Variants in NEDD9 observed in about 807,000 individuals in gnomAD.
NEDD9 encodes enhancer of filamentation 1.
Under a neutral mutation model 76.6 loss-of-function variants are expected in NEDD9, and 26 were observed. The observed-to-expected ratio is 0.34, with a 90% confidence interval of 0.25 to 0.47. The LOEUF (loss-of-function observed/expected upper bound fraction) is 0.47, where lower values mean the gene tolerates loss of function less well. Ranked by LOEUF, NEDD9 falls within the 20% of genes least tolerant of loss-of-function variation. The pLI is 1.00. For synonymous variants in NEDD9, 392 were observed against 414.2 expected, an observed-to-expected ratio of 0.95 and a Z score of 0.65; for missense variants, 937 against 1,058.5, an observed-to-expected ratio of 0.89 and a Z score of 1.59.
chr6:11,285,362 G>C (rs1176756524), intron 3 of NEDD9, among the ~76,000 whole-genome samples: 2 of 152,118 alleles, frequency 1.3e-5, no homozygotes, highest in African/African-American at 4.8e-5. Flanking sequence ...TAAATGGAGA[G>C]ATATAATGTG....
intron 2 of NEDD9, among the ~76,000 whole-genome samples, chr6:11,205,204 T>C (rs1444255746): frequency 6.6e-6 from 1 of 152,162 alleles, no homozygotes; most frequent in Non-Finnish European, 1.5e-5. Context: ...TTCTCAGACC[T>C]CAGTTCCCTC....
At chr6:11,344,770 T>TATC (rs1380159232) in intron 1 of NEDD9, among the ~76,000 whole-genome samples, 1 of 152,210 alleles carries the variant, frequency 6.6e-6, no homozygotes, top group Non-Finnish European at 1.5e-5. Flanking sequence ...ACAGTTACCT[T>TATC]ATCTCCTCAT....
rs769631781 is a variant in NEDD9 at position 11,198,978 on chromosome 6, A to G, written c.460-5286T>C. The G allele has an allele frequency of 6.6e-6, 1 of 152,234 alleles. No individual in the cohort carries two copies. Among genetic ancestry groups the G allele is most frequent in the Non-Finnish European group, 1.5e-5 (1 of 68,060 alleles). The allele number at this position is 152,234 out of a possible 1,614,324, so 9.4% of individuals were successfully genotyped here. ...AGAAACTGTAGAAGAATGCACCCCA[A>G]GTTGGGTGAAGCCACTATTGGCAGG... is the stretch of plus-strand genomic sequence containing the variant. On this transcript the variant is annotated intron_variant, in intron 2 of 6. Transcript: ENST00000379446. The surrounding 1 kb of genome is among the most constrained non-coding windows in gnomAD (Gnocchi z 4.7).
chr6:11,335,568 A>G (rs1215279965), intron 1 of NEDD9, among the ~76,000 whole-genome samples: 1 of 152,190 alleles, frequency 6.6e-6, no homozygotes, highest in Non-Finnish European at 1.5e-5. Context: ...CTCACCCACC[A>G]TATTCACCTG....
intron 1 of NEDD9, among the ~76,000 whole-genome samples, chr6:11,224,118 T>G (rs1422472568): frequency 6.6e-6 from 1 of 152,164 alleles, no homozygotes; most frequent in African/African-American, 2.4e-5. Context: ...CAACAAAGGA[T>G]GGGAATGTAA....
intron 1 of NEDD9, among the ~76,000 whole-genome samples, chr6:11,339,212 A>G (rs931146941): frequency 3.3e-5 from 5 of 152,196 alleles, no homozygotes; most frequent in Non-Finnish European, 5.9e-5. Context: ...TATTGCATTT[A>G]TCACTTTATT....
intron 2 of NEDD9, among the ~76,000 whole-genome samples, chr6:11,210,279 C>T (rs1476209472): frequency 6.6e-6 from 1 of 152,134 alleles, no homozygotes; most frequent in Non-Finnish European, 1.5e-5. Context: ...AACTCACTGC[C>T]CTACCTCTCT....
At chr6:11,277,059 C>CA (rs142031998) in intron 3 of NEDD9, among the ~76,000 whole-genome samples, 10,848 of 152,154 alleles carry the variant, frequency 0.071, 404 homozygotes, top group Middle Eastern at 0.14. Context: ...CTCTGATGCC[C>CA]GGGGGGTGCA....
intron 2 of NEDD9, among the ~76,000 whole-genome samples, chr6:11,314,508 G>A (rs1456363103): frequency 6.6e-6 from 1 of 152,164 alleles, no homozygotes; most frequent in Non-Finnish European, 1.5e-5. Flanking sequence ...TCTCTCTATA[G>A]ATTGAAATAA....
rs1762697188 is a variant in NEDD9 at position 11,362,603 on chromosome 6, A to T, written c.-214+19536T>A. Among the ~76,000 whole-genome samples, 3 of 152,182 alleles carry T rather than the reference A, an allele frequency of 2.0e-5. No homozygotes were observed. In the South Asian group the frequency reaches 6.2e-4, roughly 32 times the overall value. On this transcript the variant is annotated intron_variant, in intron 1 of 3. Coordinates refer to the NEDD9 transcript ENST00000397378. ...TGCAGTCACACTATTCTTTCACTAT[A>T]ACTCTTGCTTGCTTTTCTCACCAAA...
intron 2 of NEDD9, among the ~76,000 whole-genome samples, chr6:11,194,357 C>T (rs990776139): frequency 8.5e-5 from 13 of 152,138 alleles, no homozygotes; most frequent in African/African-American, 3.1e-4. Context: ...ATCTAAAGTA[C>T]CGCATACTGA....
intron 2 of NEDD9, among the ~76,000 whole-genome samples, chr6:11,194,020 C>T (rs1456815163): frequency 6.6e-6 from 1 of 152,008 alleles, no homozygotes; most frequent in African/African-American, 2.4e-5. Flanking sequence ...CCACCATGCC[C>T]AGCTAATTTT....
intron 1 of NEDD9, among the ~76,000 whole-genome samples, chr6:11,381,769 C>T (rs757281886): frequency 2.6e-5 from 4 of 152,102 alleles, no homozygotes; most frequent in African/African-American, 4.8e-5. Flanking sequence ...TAAGTGACGG[C>T]CCACACTTTG....
At chr6:11,185,772 G>GTA in intron 6 of NEDD9, 101 bp from the exon 7 acceptor site, 1 of 1,377,560 alleles carries the variant, frequency 7.3e-7, no homozygotes, top group Non-Finnish European at 9.9e-7. Context: ...TTAGTCGCTA[G>GTA]TAACTGTCAG....
chr6:11,225,448 G>T (rs560584380), intron 1 of NEDD9, among the ~76,000 whole-genome samples: 48 of 152,312 alleles, frequency 3.2e-4, no homozygotes, highest in African/African-American at 9.4e-4. Flanking sequence ...ACTAGTAGTG[G>T]TTAGTGAGGG....
At chr6:11,313,376 G>A (rs753164033) in intron 2 of NEDD9, among the ~76,000 whole-genome samples, 1 of 151,562 alleles carries the variant, frequency 6.6e-6, no homozygotes, top group Admixed American at 6.6e-5. Flanking sequence ...ATGGTGGATG[G>A]GTGGATGGAT....
At chr6:11,227,599 C>T (rs74870239) in intron 1 of NEDD9, among the ~76,000 whole-genome samples, 1,530 of 152,304 alleles carry the variant, frequency 0.01, 24 homozygotes, top group African/African-American at 0.035. Context: ...CAAAACTTCA[C>T]AGACCCTAGA....
chr6:11,263,000 G>A lies in NEDD9; in HGVS notation c.12+42992C>T, dbSNP rs73721511. ...ATGGTGAAAATCTGGGGTAACCAGT[G>A]TTTTAACAGGAAATCTAAAGGAAAT... On this transcript the variant is annotated intron_variant, in intron 3 of 3. Coordinates refer to the NEDD9 transcript ENST00000397378. Among the ~76,000 whole-genome samples, 978 of 152,244 alleles carry A rather than the reference G, an allele frequency of 6.4e-3. 14 individuals carry two copies. The highest frequency in any genetic ancestry group is 0.022 in the African/African-American group (927 of 41,536).
rs1758835479 is a variant in NEDD9 at position 11,213,096 on chromosome 6, A to G, written c.459+185T>C. Among the ~76,000 whole-genome samples the G allele has an allele frequency of 6.6e-6, 1 of 152,228 alleles. No homozygotes were observed. Among genetic ancestry groups the G allele is most frequent in the African/African-American group, 2.4e-5 (1 of 41,454 alleles). On this transcript the variant is annotated intron_variant, in intron 2 of 6. Transcript: ENST00000379446. This position sits in a 1 kb window ranked among gnomAD's most constrained non-coding sequence, Gnocchi z 5.4. ...ACTGTACTCAGCACATGGTAGTTCA[A>G]AGAAGTTTTGCTGAATGATGGATGA...
Sources: gnomAD v4.1 joint callset for allele counts (sites outside exome capture counted in the v4.1 genomes callset) on GRCh38, gnomAD v4.1.1 for gene constraint, Gnocchi (gnomAD v3.1) non-coding constraint, MANE v1.5 for transcripts, NCBI Gene and HGNC (gene_info 2026-07-23, HGNC 2026-07-21) for gene names.